Variants in CCNY observed in about 807,000 individuals in gnomAD.
The protein encoded by CCNY is cyclin Y.
Under a neutral mutation model 42.8 loss-of-function variants are expected in CCNY, and 19 were observed. That is an observed-to-expected ratio of 0.44 (90% CI 0.31 to 0.65). The LOEUF (loss-of-function observed/expected upper bound fraction) is 0.65. Ranked by LOEUF, CCNY falls within the 30% of genes least tolerant of loss-of-function variation. The probability of loss-of-function intolerance (pLI) is 0.07; values close to 1 mark genes in which losing one functional copy is unlikely to be tolerated. For missense variants in CCNY, 370 were observed against 437.3 expected, an observed-to-expected ratio of 0.85 and a Z score of 1.37; for synonymous variants, 165 against 162.7, an observed-to-expected ratio of 1.01 and a Z score of -0.11.
intron 3 of CCNY, among the ~76,000 whole-genome samples, chr10:35,323,331 T>C (rs1476787905): frequency 6.6e-6 from 1 of 152,202 alleles, no homozygotes; most frequent in African/African-American, 2.4e-5. Context: ...AACTTGTACA[T>C]AGATGTTCAT....
At chr10:35,470,776 G>T (rs1839376955) in intron 1 of CCNY, among the ~76,000 whole-genome samples, 1 of 152,174 alleles carries the variant, frequency 6.6e-6, no homozygotes, top group Non-Finnish European at 1.5e-5. Flanking sequence ...AACCAGCCTG[G>T]TCAGCTCCTG....
At chr10:35,361,215 T>C (rs1220787792) in intron 1 of CCNY, among the ~76,000 whole-genome samples, 3 of 152,264 alleles carry the variant, frequency 2.0e-5, no homozygotes, top group Non-Finnish European at 4.4e-5. Context: ...TCAGATATGT[T>C]ATCTGTGTTT....
intron 1 of CCNY, among the ~76,000 whole-genome samples, chr10:35,479,084 A>T (rs944947441): frequency 6.6e-6 from 1 of 152,046 alleles, no homozygotes; most frequent in Non-Finnish European, 1.5e-5. Flanking sequence ...TAGAATGGCA[A>T]TCATTAAAAA....
intron 1 of CCNY, among the ~76,000 whole-genome samples, chr10:35,432,094 G>A (rs1306077446): frequency 6.6e-6 from 1 of 152,180 alleles, no homozygotes; most frequent in Non-Finnish European, 1.5e-5. Context: ...TTAAATAGTT[G>A]ATTCATGTGG....
rs1188166481 is a variant in CCNY, at chr10:35,434,777, T to C, written c.155-48627T>C. The stretch of plus-strand genomic sequence containing the variant: ...GAGAATGACTGTATTTTTTGACCCA[T>C]GTCTAGGCACATTTGCCCTTCTCAG... On this transcript the variant is annotated intron_variant, in intron 1 of 9. Transcript: ENST00000374704. 2.0e-5 allele frequency among the ~76,000 whole-genome samples: 3 copies of C among 152,232 alleles called. No homozygotes were observed. The East Asian group carries it at 5.8e-4, about 29-fold the overall frequency.
chr10:35,275,421 C>T (rs1835226574), intron 3 of CCNY, among the ~76,000 whole-genome samples: 1 of 151,978 alleles, frequency 6.6e-6, no homozygotes, highest in African/African-American at 2.4e-5. Flanking sequence ...CTTGGCCTTC[C>T]CACTGCAATA....
At chr10:35,502,040 A>G (rs567120287) in intron 3 of CCNY, among the ~76,000 whole-genome samples, 1 of 152,348 alleles carries the variant, frequency 6.6e-6, no homozygotes, top group South Asian at 2.1e-4. Flanking sequence ...CTAAATTTAA[A>G]AAAGATGTTC....
chr10:35,484,533 C>T (rs1253261762), intron 2 of CCNY, among the ~76,000 whole-genome samples: 1 of 151,682 alleles, frequency 6.6e-6, no homozygotes. Flanking sequence ...TCAGTTTTTG[C>T]CATTAAAAGT....
intron 1 of CCNY, among the ~76,000 whole-genome samples, chr10:35,387,053 A>G (rs1305110757): frequency 6.6e-6 from 1 of 152,186 alleles, no homozygotes; most frequent in Admixed American, 6.5e-5. Context: ...AGCTGCCAAC[A>G]TACTACACTA....
At chr10:35,504,967 G>A (rs1368206308) in intron 3 of CCNY, among the ~76,000 whole-genome samples, 2 of 151,490 alleles carry the variant, frequency 1.3e-5, no homozygotes, top group Non-Finnish European at 2.9e-5. Flanking sequence ...AAAGATACAC[G>A]TATTTTTAAA....
intron 1 of CCNY, among the ~76,000 whole-genome samples, chr10:35,355,863 T>A (rs1836537970): frequency 6.6e-6 from 1 of 152,122 alleles, no homozygotes; most frequent in African/African-American, 2.4e-5. Flanking sequence ...AACAACTTTT[T>A]AAAATGTTCT....
intron 8 of CCNY, among the ~76,000 whole-genome samples, chr10:35,563,566 G>A (rs966024519): frequency 3.9e-5 from 6 of 152,134 alleles, no homozygotes; most frequent in Non-Finnish European, 7.4e-5. Flanking sequence ...CCTTAGCAGG[G>A]CCTCTGACGC....
intron 1 of CCNY, among the ~76,000 whole-genome samples, chr10:35,452,570 T>C (rs1329236549): frequency 1.3e-5 from 2 of 152,196 alleles, no homozygotes; most frequent in East Asian, 3.8e-4. Flanking sequence ...GTGTTCATAC[T>C]AGCCCCTTTT....
chr10:35,479,621 G>T (rs190051307), intron 1 of CCNY, among the ~76,000 whole-genome samples: 144 of 136,798 alleles, frequency 1.1e-3, no homozygotes, highest in Admixed American at 9.1e-3. Context: ...TGGGGGGAGG[G>T]GGGGGAGGGA....
At chr10:35,517,224 T>A (rs141711947) in intron 4 of CCNY, among the ~76,000 whole-genome samples, 1 of 151,782 alleles carries the variant, frequency 6.6e-6, no homozygotes, top group Non-Finnish European at 1.5e-5. Flanking sequence ...GAAGGGGGAG[T>A]CTTGGGATAA....
chr10:35,502,713 A>G (rs747039473), intron 3 of CCNY, among the ~76,000 whole-genome samples: 7 of 151,524 alleles, frequency 4.6e-5, no homozygotes, highest in Non-Finnish European at 7.4e-5. Context: ...TGAAATTGCA[A>G]TCTGTGTCAT....
intron 1 of CCNY, among the ~76,000 whole-genome samples, chr10:35,465,953 G>C (rs1227307054): frequency 6.6e-6 from 1 of 151,470 alleles, no homozygotes; most frequent in South Asian, 2.1e-4. Flanking sequence ...GTGTGTGTGT[G>C]TGTGTGTCTG....
chr10:35,287,674 T>G (rs1189777224), intron 3 of CCNY, among the ~76,000 whole-genome samples: 3 of 152,250 alleles, frequency 2.0e-5, no homozygotes, highest in African/African-American at 7.2e-5. Context: ...TTCATTTCTT[T>G]TTTTACTGAC....
chr10:35,308,135 T>C (rs1835636679), intron 3 of CCNY, among the ~76,000 whole-genome samples: 1 of 150,480 alleles, frequency 6.6e-6, no homozygotes, highest in Non-Finnish European at 1.5e-5. Context: ...AATAATTTTA[T>C]GGATAAAGAA....
Sources: allele counts gnomAD v4.1 joint callset (sites outside exome capture counted in the v4.1 genomes callset), GRCh38; gene constraint gnomAD v4.1.1; transcripts MANE v1.5; gene names NCBI Gene and HGNC (gene_info 2026-07-23, HGNC 2026-07-21).